GALNT14: variants seen among roughly 807,000 people sequenced by gnomAD.
GALNT14 encodes the protein polypeptide N-acetylgalactosaminyltransferase 14, also known as UDP-GalNAc:polypeptide N-acetylgalactosaminyltransferase 14.
In GALNT14, 60 loss-of-function variants were observed where a neutral mutation model predicts 77.5. That is an observed-to-expected ratio of 0.77 (90% CI 0.63 to 0.96). GALNT14 has a LOEUF of 0.96. GALNT14 is among the 40% of genes least tolerant of loss of function. The probability of loss-of-function intolerance (pLI) is 0.00; values close to 1 mark genes in which losing one functional copy is unlikely to be tolerated. For synonymous variants in GALNT14, 280 were observed against 281.7 expected, an observed-to-expected ratio of 0.99 and a Z score of 0.06; for missense variants, 710 against 731.0, an observed-to-expected ratio of 0.97 and a Z score of 0.33.
chr2:31,067,763 AT>A (rs1675075561), intron 1 of GALNT14, among the ~76,000 whole-genome samples: 1 of 152,210 alleles, frequency 6.6e-6, no homozygotes, highest in African/African-American at 2.4e-5. Context: ...TTTCATTAAA[AT>A]GTTATAAAAT....
intron 4 of GALNT14, among the ~76,000 whole-genome samples, chr2:30,956,179 C>T (rs1330226122): frequency 6.6e-6 from 1 of 152,150 alleles, no homozygotes; most frequent in Non-Finnish European, 1.5e-5. Context: ...GGTGGCCAGT[C>T]TAGGGCAAAG....
intron 13 of GALNT14, among the ~76,000 whole-genome samples, chr2:30,917,859 G>T (rs1442700612): frequency 6.6e-6 from 1 of 152,170 alleles, no homozygotes; most frequent in Non-Finnish European, 1.5e-5. Context: ...TCCATACTGG[G>T]TACCTCCACG....
chr2:30,906,306 G>A (rs576940396), downstream of GALNT14, among the ~76,000 whole-genome samples: 1,143 of 151,168 alleles, frequency 7.6e-3, 28 homozygotes, highest in Non-Finnish European at 7.6e-3. Context: ...CTGTATTCAG[G>A]AAACCCATCT....
chr2:31,103,409 A>G (rs1170754166), intron 1 of GALNT14, among the ~76,000 whole-genome samples: 3 of 151,966 alleles, frequency 2.0e-5, no homozygotes. Flanking sequence ...TGGAGAGAGA[A>G]AGAGACGTAC....
chr2:30,970,883 GCCCCCAC>G (rs1668308711), intron 2 of GALNT14, among the ~76,000 whole-genome samples: 1 of 152,110 alleles, frequency 6.6e-6, no homozygotes, highest in Non-Finnish European at 1.5e-5. Flanking sequence ...CCTCACAACC[GCCCCCAC>G]TCCACAGATG....
In GALNT14 at chr2:31,033,636, A is replaced by T. The variant is rs192625696; in HGVS notation, c.130-40629T>A. The stretch of plus-strand genomic sequence containing the variant: ...TTGCAACACTGTGAAGCCTGCCCTG[A>T]CCCTTTGGCTCCTTCCCTCCCTGGC... On this transcript the variant is annotated intron_variant, in intron 1 of 14. Coordinates refer to ENST00000349752, the MANE Select transcript of GALNT14 (RefSeq NM_024572.4). Among the ~76,000 whole-genome samples, 25 of 151,852 alleles carry T rather than the reference A, an allele frequency of 1.6e-4. No homozygotes were observed. In the East Asian group the frequency reaches 4.7e-3, roughly 28 times the overall value.
chr2:30,938,384 A>ACACACACACACACACTCT (rs1174119035), intron 9 of GALNT14, among the ~76,000 whole-genome samples: 4 of 141,784 alleles, frequency 2.8e-5, no homozygotes, highest in African/African-American at 1.0e-4. Flanking sequence ...ACACACACAC[A>ACACACACACACACACTCT]CTCTCTCTCT....
At chr2:31,029,453 G>A (rs1395912269) in intron 1 of GALNT14, among the ~76,000 whole-genome samples, 1 of 152,106 alleles carries the variant, frequency 6.6e-6, no homozygotes, top group East Asian at 1.9e-4. Flanking sequence ...AATCTCACAT[G>A]AAGACTGACT....
downstream of GALNT14, among the ~76,000 whole-genome samples, chr2:30,906,883 C>G (rs564738796): frequency 6.6e-5 from 10 of 152,274 alleles, no homozygotes; most frequent in South Asian, 1.9e-3. Context: ...TGCAATCAAA[C>G]TAGAACTCAG....
In GALNT14 at chr2:31,021,101, A is replaced by G. The variant is rs191076953; in HGVS notation, c.130-28094T>C. 1.5e-3 allele frequency among the ~76,000 whole-genome samples: 224 copies of G among 151,962 alleles called. 5 individuals carry two copies. The South Asian group carries it at 0.029, about 20-fold the overall frequency. On this transcript the variant is annotated intron_variant, in intron 1 of 14. Transcript: ENST00000349752. The stretch of plus-strand genomic sequence containing the variant: ...AATGCCCATCTCGGAGCCAAGAGAG[A>G]CTCAAACAAGAGCTTGAACAGCCAG...
At chr2:31,114,094 G>C (rs1326600505) in intron 1 of GALNT14, among the ~76,000 whole-genome samples, 1 of 152,144 alleles carries the variant, frequency 6.6e-6, no homozygotes, top group Non-Finnish European at 1.5e-5. Flanking sequence ...GTCTGTAAAA[G>C]AATGTGCCTC....
downstream of GALNT14, among the ~76,000 whole-genome samples, chr2:30,906,384 C>G (rs1235636318): frequency 1.9e-3 from 280 of 147,414 alleles, 1 homozygote; most frequent in Non-Finnish European, 3.0e-3. Flanking sequence ...AAATGGAAAA[C>G]AAAAAAAAGG....
At chr2:30,890,141 C>T in the GALNT14 span, among the ~76,000 whole-genome samples, 1 of 152,124 alleles carries the variant, frequency 6.6e-6, no homozygotes, top group Admixed American at 6.5e-5. Flanking sequence ...GTAATGGCCA[C>T]CAGTAAAGGA....
At position 30,944,840 on chromosome 2, in the gene GALNT14, C is replaced by G; in HGVS notation, c.827+18G>C. On this transcript the variant is annotated intron_variant, in intron 8 of 14. Coordinates refer to ENST00000349752, the MANE Select transcript of GALNT14 (RefSeq NM_024572.4). ...TGGTGATGGTCTGCCCACCCCTGCA[C>G]AGACTCTTCCCACTTACCTGATGGG... 6.3e-7 allele frequency: 1 copy of G among 1,587,010 alleles called. No individual in the cohort carries two copies. Among genetic ancestry groups the G allele is most frequent in the Non-Finnish European group, 8.6e-7 (1 of 1,162,414 alleles).
intron 14 of GALNT14, 87 bp from the exon 15 acceptor site, chr2:30,911,146 G>C (rs1664335942): frequency 4.0e-6 from 5 of 1,243,940 alleles, no homozygotes; most frequent in Non-Finnish European, 5.7e-6. Context: ...GGTGCCTCAT[G>C]TCTAGGGTCA....
chr2:31,114,760 C>T (rs952244345), intron 1 of GALNT14: 1 of 717,256 alleles, frequency 1.4e-6, no homozygotes, highest in Non-Finnish European at 2.6e-6. Flanking sequence ...GAAGAAAGAC[C>T]TGAGTCTGCA....
intron 9 of GALNT14, among the ~76,000 whole-genome samples, chr2:30,934,870 A>G (rs370728625): frequency 2.0e-5 from 3 of 152,030 alleles, no homozygotes; most frequent in Non-Finnish European, 2.9e-5. Context: ...TCTGGCACCA[A>G]CTTTCCATGA....
At chr2:31,054,293 A>G (rs189442840) in intron 1 of GALNT14, among the ~76,000 whole-genome samples, 17 of 152,330 alleles carry the variant, frequency 1.1e-4, no homozygotes, top group Admixed American at 5.9e-4. Flanking sequence ...CATTGTGCCA[A>G]TGCCATCAAA....
intron 1 of GALNT14, among the ~76,000 whole-genome samples, chr2:31,019,558 C>T (rs914331838): frequency 1.3e-5 from 2 of 152,168 alleles, no homozygotes; most frequent in South Asian, 2.1e-4. Context: ...CAACCCAGTC[C>T]TGCACTCAAG....
Sources: allele counts gnomAD v4.1 joint callset (sites outside exome capture counted in the v4.1 genomes callset), GRCh38; gene constraint gnomAD v4.1.1; transcripts MANE v1.5; gene names NCBI Gene and HGNC (gene_info 2026-07-23, HGNC 2026-07-21).